The following CNTNAP5 variants were observed in gnomAD, a reference collection of about 807,000 sequenced individuals.
The protein encoded by CNTNAP5 is contactin-associated protein-like 5.
Under a neutral mutation model 150.2 loss-of-function variants are expected in CNTNAP5, and 72 were observed. That is an observed-to-expected ratio of 0.48 (90% CI 0.40 to 0.58). The LOEUF (loss-of-function observed/expected upper bound fraction) is 0.58, where lower values mean the gene tolerates loss of function less well. CNTNAP5 is among the 20% of genes least tolerant of loss of function. The probability of loss-of-function intolerance (pLI) is 0.00; values close to 1 mark genes in which losing one functional copy is unlikely to be tolerated. For missense variants in CNTNAP5, 1,636 were observed against 1,626.2 expected, an observed-to-expected ratio of 1.01 and a Z score of -0.10; for synonymous variants, 672 against 619.8, an observed-to-expected ratio of 1.08 and a Z score of -1.25.
At chr2:124,231,034 G>A (rs1298764081) in intron 2 of CNTNAP5, among the ~76,000 whole-genome samples, 1 of 152,088 alleles carries the variant, frequency 6.6e-6, no homozygotes, top group Non-Finnish European at 1.5e-5. Context: ...GTGTATGGTG[G>A]GTAGAAGCTG....
At chr2:124,310,465 G>C (rs1688798738) in intron 3 of CNTNAP5, among the ~76,000 whole-genome samples, 1 of 152,118 alleles carries the variant, frequency 6.6e-6, no homozygotes, top group African/African-American at 2.4e-5. Context: ...GGATTGGCTA[G>C]AATCGTAACT....
intron 11 of CNTNAP5, among the ~76,000 whole-genome samples, chr2:124,566,080 C>A (rs1696018431): frequency 6.6e-6 from 1 of 151,630 alleles, no homozygotes; most frequent in South Asian, 2.1e-4. Context: ...AAGTCTGGTT[C>A]CAAAAATATT....
intron 3 of CNTNAP5, among the ~76,000 whole-genome samples, chr2:124,414,966 C>T (rs903466344): frequency 3.3e-5 from 5 of 152,114 alleles, no homozygotes; most frequent in African/African-American, 1.2e-4. Context: ...TTTTACTCTA[C>T]CCAAAACAGT....
At chr2:124,236,731 G>A (rs781399458) in intron 2 of CNTNAP5, among the ~76,000 whole-genome samples, 2 of 152,028 alleles carry the variant, frequency 1.3e-5, no homozygotes, top group Admixed American at 6.6e-5. Context: ...AGTTTCATAG[G>A]GCCTTCTGGA....
At chr2:124,087,408 T>A (rs1682716497) in intron 1 of CNTNAP5, among the ~76,000 whole-genome samples, 1 of 151,902 alleles carries the variant, frequency 6.6e-6, no homozygotes. Flanking sequence ...CTGAGGTTTT[T>A]AAAATTCCCT....
chr2:124,719,434 A>G (rs1680008010), intron 13 of CNTNAP5, among the ~76,000 whole-genome samples: 1 of 152,236 alleles, frequency 6.6e-6, no homozygotes, highest in African/African-American at 2.4e-5. Context: ...TAAAAGGCAC[A>G]CAAATAAAGA....
At chr2:124,494,913 A>G (rs1010948939) in intron 7 of CNTNAP5, among the ~76,000 whole-genome samples, 1 of 152,226 alleles carries the variant, frequency 6.6e-6, no homozygotes, top group African/African-American at 2.4e-5. Context: ...AACTCCTAGT[A>G]TAAAGCTATA....
At chr2:124,632,193 C>G (rs2105010389) in intron 12 of CNTNAP5, among the ~76,000 whole-genome samples, 1 of 152,248 alleles carries the variant, frequency 6.6e-6, no homozygotes, top group Non-Finnish European at 1.5e-5. Context: ...CCAGCAATCC[C>G]ATTACTGGGT....
At chr2:124,736,308 C>T (rs181691967) in intron 13 of CNTNAP5, among the ~76,000 whole-genome samples, 1 of 152,238 alleles carries the variant, frequency 6.6e-6, no homozygotes, top group Admixed American at 6.5e-5. Flanking sequence ...CACTAAATAG[C>T]CATTTTTCTT....
chr2:124,190,610 GAA>G (rs1558793845), intron 1 of CNTNAP5, among the ~76,000 whole-genome samples: 1 of 152,054 alleles, frequency 6.6e-6, no homozygotes, highest in South Asian at 2.1e-4. Context: ...TATGATCCTA[GAA>G]AAAAGATAGG....
In CNTNAP5 at chr2:124,553,278, C is replaced by T. The variant is rs373746314; in HGVS notation, c.1650-9939C>T. Among the ~76,000 whole-genome samples the T allele has an allele frequency of 1.8e-4, 27 of 152,172 alleles. No homozygotes were observed. The East Asian group carries it at 4.9e-3, about 27-fold the overall frequency. On this transcript the variant is annotated intron_variant, in intron 10 of 23. Transcript: ENST00000682447. Reference sequence around the variant, plus strand: ...CAGTACTTTGGGAGGCCGAGGCAGGCAGATCTCCTGAGGTCAGGAGTTCAA... The same window carrying T: ...CAGTACTTTGGGAGGCCGAGGCAGGTAGATCTCCTGAGGTCAGGAGTTCAA...
At chr2:124,735,293 A>C (rs1680358456) in intron 13 of CNTNAP5, among the ~76,000 whole-genome samples, 1 of 152,210 alleles carries the variant, frequency 6.6e-6, no homozygotes, top group African/African-American at 2.4e-5. Context: ...ACTTCTAAGG[A>C]AAAATTTCAG....
At chr2:124,826,611 C>T (rs922621226) in intron 19 of CNTNAP5, among the ~76,000 whole-genome samples, 1 of 152,090 alleles carries the variant, frequency 6.6e-6, no homozygotes, top group Non-Finnish European at 1.5e-5. Flanking sequence ...CACTTGTGGA[C>T]TCATTAGAAA....
chr2:124,089,816 T>C (rs1682774190), intron 1 of CNTNAP5, among the ~76,000 whole-genome samples: 1 of 152,214 alleles, frequency 6.6e-6, no homozygotes. Context: ...ACAAGGGCAA[T>C]GGATGCCTGG....
At chr2:124,657,024 C>T (rs1169454138) in intron 13 of CNTNAP5, among the ~76,000 whole-genome samples, 1 of 152,184 alleles carries the variant, frequency 6.6e-6, no homozygotes, top group East Asian at 1.9e-4. Flanking sequence ...AGAGTAGGCC[C>T]TCTGGACACT....
At chr2:124,454,863 A>G (rs1693079592) in intron 6 of CNTNAP5, among the ~76,000 whole-genome samples, 1 of 152,082 alleles carries the variant, frequency 6.6e-6, no homozygotes, top group African/African-American at 2.4e-5. Context: ...GTCATTCACA[A>G]CCTATCAAAA....
intron 12 of CNTNAP5, among the ~76,000 whole-genome samples, chr2:124,612,112 T>C (rs1677396645): frequency 6.6e-6 from 1 of 152,188 alleles, no homozygotes; most frequent in Non-Finnish European, 1.5e-5. Flanking sequence ...AGTGTTGTTT[T>C]ATTGTTAGAA....
chr2:124,861,007 A>G (rs1350351928), intron 19 of CNTNAP5, among the ~76,000 whole-genome samples: 1 of 151,698 alleles, frequency 6.6e-6, no homozygotes, highest in African/African-American at 2.4e-5. Context: ...CAGCAGCTCT[A>G]TTTTTTCCGC....
At chr2:124,812,107 TTA>T (rs1682246885) in intron 19 of CNTNAP5, among the ~76,000 whole-genome samples, 1 of 10,544 alleles carries the variant, frequency 9.5e-5, no homozygotes, top group South Asian at 6.5e-3. Context: ...TAATTTATAT[TTA>T]TATATTATAT....
Sources: allele counts gnomAD v4.1 joint callset (sites outside exome capture counted in the v4.1 genomes callset), GRCh38; gene constraint gnomAD v4.1.1; transcripts MANE v1.5; gene names NCBI Gene and HGNC (gene_info 2026-07-23, HGNC 2026-07-21).